ID1: variants seen among roughly 807,000 people sequenced by gnomAD.
ID1 encodes the protein DNA-binding protein inhibitor ID-1.
ID1 carries 8 observed loss-of-function variants against 11.3 expected under a neutral mutation model. That is an observed-to-expected ratio of 0.71 (90% confidence interval 0.42 to 1.28). ID1 has a LOEUF of 1.28. Among genes scored for constraint, ID1 ranks in the 50% most tolerant of loss-of-function variants. The probability of loss-of-function intolerance (pLI) is 0.01; values close to 1 mark genes in which losing one functional copy is unlikely to be tolerated. For synonymous variants in ID1, 176 were observed against 100.2 expected (o/e 1.76, Z -4.52); for missense variants, 347 against 219.8 (o/e 1.58, Z -3.66).
chr20:31,606,410 G>T lies in ID1; in HGVS notation c.*316G>T, dbSNP rs1327645950. On this transcript the variant is annotated 3_prime_UTR_variant, in exon 2 of 2. Coordinates refer to ENST00000376112, the MANE Select transcript of ID1 (RefSeq NM_002165.4). ...TGCTTCTCAGATTTCTGAGGAAATT[G>T]CTTTGTATTGTATATTACAATGATC... is the stretch of plus-strand genomic sequence containing the variant. The T allele has an allele frequency of 2.1e-6, 1 of 481,416 alleles. No individual in the cohort carries two copies. Among genetic ancestry groups the T allele is most frequent in the Non-Finnish European group, 3.8e-6 (1 of 260,522 alleles). 29.8% of individuals were successfully genotyped at this position (481,416 alleles called of 1,614,324 possible).
intron 1 of ID1, 55 bp from the exon 2 acceptor site, chr20:31,605,998 G>T (rs538900346): frequency 1.2e-6 from 2 of 1,610,320 alleles, no homozygotes; most frequent in African/African-American, 2.7e-5. Flanking sequence ...CGTTCGCTGC[G>T]CTCGGAGCGG....
Position 31,605,509 on chromosome 20 carries a change from C to G in ID1, c.122C>G (p.Ala41Gly). 6.3e-7 allele frequency: 1 copy of G among 1,587,938 alleles called. No homozygotes were observed. Among genetic ancestry groups the G allele is most frequent in the Non-Finnish European group, 8.6e-7 (1 of 1,165,578 alleles). Residue 41 changes from alanine to glycine, a missense_variant, in exon 1 of 2, where the codon GCC becomes GGC. Coordinates refer to ENST00000376112, the MANE Select transcript of ID1 (RefSeq NM_002165.4). ...VVRCLSEQSVAISRCAGGAGA... is the reference protein window; with the variant it reads ...VVRCLSEQSVGISRCAGGAGA... ...CGCTGTCTGTCTGAGCAGAGCGTGG[C>G]CATCTCGCGCTGCGCCGGGGGCGCC...
At position 31,606,131 on chromosome 20, in the gene ID1, CA is replaced by C; in HGVS notation, c.*38del. 1.3e-6 allele frequency: 2 copies of C among 1,596,176 alleles called. No individual in the cohort carries two copies. The highest frequency in any genetic ancestry group is 1.1e-5 in the South Asian group (1 of 90,690). ...CAGGGACCGGCGGACCCCAGCCATC[CA>C]GGGGGCAAGAGGAATTACGTGCTCT... On this transcript the variant is annotated 3_prime_UTR_variant, in exon 2 of 2. Coordinates refer to ENST00000376112, the MANE Select transcript of ID1 (RefSeq NM_002165.4).
rs558802902 is a variant in ID1 at position 31,606,240 on chromosome 20, C to G, written c.*146C>G. ...CCACTGCGCCCTTAACTGCATCCAG[C>G]CTGGGGCTGAGGCTGAGGCACTGGC... On this transcript the variant is annotated 3_prime_UTR_variant, in exon 2 of 2. Coordinates refer to ENST00000376112, the MANE Select transcript of ID1 (RefSeq NM_002165.4). The G allele has an allele frequency of 1.2e-6, 1 of 828,796 alleles. No homozygotes were observed. Among genetic ancestry groups the G allele is most frequent in the Non-Finnish European group, 2.0e-6 (1 of 504,730 alleles). The allele number at this position is 828,796 out of a possible 1,614,324, so 51.3% of individuals were successfully genotyped here. A position where few individuals can be genotyped will look rare whatever the true frequency, so the allele number is the denominator to read the frequency against.
In ID1 at chr20:31,605,717, C is replaced by T. The variant is rs530017299; in HGVS notation, c.330C>T (p.Asn110=). The T allele has an allele frequency of 8.1e-6, 13 of 1,611,364 alleles. No homozygotes were observed. The highest frequency in any genetic ancestry group is 2.2e-5 in the East Asian group (1 of 44,686). Residue 110 remains asparagine, a synonymous_variant, in exon 1 of 2, where the codon AAC becomes AAT. Transcript: ENST00000376112. The stretch of plus-strand genomic sequence containing the variant: ...TCAGGGACCTTCAGTTGGAGCTGAA[C>T]TCGGAATCCGAAGTTGGAACCCCCG... ...DYIRDLQLEL[N]SESEVGTPGG... is the part of the protein sequence containing the mutation.
Position 31,606,040 on chromosome 20 carries a change from C to A in ID1, c.427-13C>A, listed in dbSNP as rs771359656. On this transcript the variant is annotated splice_polypyrimidine_tract_variant and intron_variant, in intron 1 of 1. Transcript: ENST00000376112. ...TTCCAACCCGCCGGTCTCATTTCTT[C>A]TCGTTTTCACAGGCGGCATGCGTTC... 1 of 1,612,610 alleles carries A rather than the reference C, an allele frequency of 6.2e-7. No individual in the cohort carries two copies. The highest frequency in any genetic ancestry group is 1.1e-5 in the South Asian group (1 of 91,080).
Position 31,605,822 on chromosome 20 carries a change from C to T in ID1, c.426+9C>T. On this transcript the variant is annotated intron_variant, in intron 1 of 1. Coordinates refer to ENST00000376112, the MANE Select transcript of ID1 (RefSeq NM_002165.4). The stretch of plus-strand genomic sequence containing the variant: ...GCGCCCTGACGGCCGAGGTGAGATC[C>T]AGATCCGACCACTAGATCATCCTTA... 4 of 1,610,758 alleles carry T rather than the reference C, an allele frequency of 2.5e-6. No individual in the cohort carries two copies. The highest frequency in any genetic ancestry group is 2.2e-5 in the East Asian group (1 of 44,724).
rs775696039 is a variant in ID1 at position 31,606,052 on chromosome 20, G to A, written c.427-1G>A. 1.9e-6 allele frequency: 3 copies of A among 1,611,622 alleles called. No homozygotes were observed. Among genetic ancestry groups the A allele is most frequent in the East Asian group, 2.2e-5 (1 of 44,882 alleles). ...GGTCTCATTTCTTCTCGTTTTCACA[G>A]GCGGCATGCGTTCCTGCGGACGATC... is the stretch of plus-strand genomic sequence containing the variant. On this transcript the variant is annotated splice_acceptor_variant, in intron 1 of 1. Coordinates refer to ENST00000376112, the MANE Select transcript of ID1 (RefSeq NM_002165.4). LOFTEE classifies it high-confidence loss of function.
In ID1 at chr20:31,605,766, G is replaced by A; in HGVS notation, c.379G>A (p.Ala127Thr). 1 of 1,610,462 alleles carries A rather than the reference G, an allele frequency of 6.2e-7. No homozygotes were observed. The highest frequency in any genetic ancestry group is 8.5e-7 in the Non-Finnish European group (1 of 1,178,356). ...TPGGRGLPVR[A>T]PLSTLNGEIS... ...CGGGGGCCGAGGGCTGCCGGTCCGG[G>A]CTCCGCTCAGCACCCTCAACGGCGA... Residue 127 changes from alanine to threonine, a missense_variant, in exon 1 of 2, where the codon GCT becomes ACT. By Grantham distance (58) the Ala-to-Thr change is moderately conservative. Transcript: ENST00000376112.
At position 31,605,434 on chromosome 20, in the gene ID1, G is replaced by C; in HGVS notation, c.47G>C (p.Ser16Thr). The C allele has an allele frequency of 2.5e-6, 4 of 1,608,554 alleles. No homozygotes were observed. The highest frequency in any genetic ancestry group is 3.4e-6 in the Non-Finnish European group (4 of 1,178,536). The change falls in exon 1 of 2, where the codon AGC becomes ACC. Residue 16 changes from serine (S) to threonine (T), a missense_variant. Physicochemically the swap from Ser to Thr is moderately conservative, Grantham distance 58 (BLOSUM62 1). Transcript: ENST00000376112. Reference protein sequence around the residue: ...GSTATAAAGPSCALKAGKTAS... With the variant: ...GSTATAAAGPTCALKAGKTAS... The stretch of plus-strand genomic sequence containing the variant: ...ACCGCCACCGCCGCCGCGGGCCCCA[G>C]CTGCGCGCTGAAGGCCGGCAAGACA...
chr20:31,605,450 C>A lies in ID1; in HGVS notation c.63C>A (p.Ala21=). The change falls in exon 1 of 2, where the codon GCC becomes GCA. Residue 21 remains alanine (A), a synonymous_variant. Transcript: ENST00000376112. The part of the protein sequence containing the change: ...AAAGPSCALK[A]GKTASGAGEV... ...CGGGCCCCAGCTGCGCGCTGAAGGC[C>A]GGCAAGACAGCGAGCGGTGCGGGCG... 6.2e-7 allele frequency: 1 copy of A among 1,609,094 alleles called. No individual in the cohort carries two copies. The highest frequency in any genetic ancestry group is 8.5e-7 in the Non-Finnish European group (1 of 1,178,416).
Position 31,605,725 on chromosome 20 carries a change from C to G in ID1, c.338C>G (p.Ser113Cys). Residue 113 changes from serine (S) to cysteine (C), a missense_variant, in exon 1 of 2, where the codon TCC (serine) becomes TGC (cysteine). Physicochemically the swap from Ser to Cys is moderately radical, Grantham distance 112 (BLOSUM62 -1). Transcript: ENST00000376112. ...CTTCAGTTGGAGCTGAACTCGGAATCCGAAGTTGGAACCCCCGGGGGCCGA... is the reference window on the plus strand; with the variant it reads ...CTTCAGTTGGAGCTGAACTCGGAATGCGAAGTTGGAACCCCCGGGGGCCGA... ...RDLQLELNSE[S>C]EVGTPGGRGL... 6.2e-7 allele frequency: 1 copy of G among 1,611,352 alleles called. No individual in the cohort carries two copies. The highest frequency in any genetic ancestry group is 8.5e-7 in the Non-Finnish European group (1 of 1,178,812).
At chr20:31,605,984 G>T in intron 1 of ID1, 69 bp from the exon 2 acceptor site, 1 of 1,611,276 alleles carries the variant, frequency 6.2e-7, no homozygotes, top group Non-Finnish European at 8.5e-7. Flanking sequence ...CCTGGGGAAG[G>T]GGGCGTTCGC....
chr20:31,605,810 C>G lies in ID1; in HGVS notation c.423C>G (p.Ala141=), dbSNP rs760694804. 37 of 1,611,310 alleles carry G rather than the reference C, an allele frequency of 2.3e-5. No homozygotes were observed. The highest frequency in any genetic ancestry group is 6.7e-5 in the African/African-American group (5 of 74,834). ...TLNGEISALT[A]EAACVPADDR... ...ACGGCGAGATCAGCGCCCTGACGGCCGAGGTGAGATCCAGATCCGACCACT... is the reference window on the plus strand; with the variant it reads ...ACGGCGAGATCAGCGCCCTGACGGCGGAGGTGAGATCCAGATCCGACCACT... The change falls in exon 1 of 2, where the codon GCC becomes GCG. Residue 141 remains alanine, a synonymous_variant. Transcript: ENST00000376112.
Position 31,605,615 on chromosome 20 carries a change from C to G in ID1, c.228C>G (p.Leu76=). ...ACATGAACGGCTGTTACTCACGCCT[C>G]AAGGAGCTGGTGCCCACCCTGCCCC... The part of the protein sequence containing the change: ...LYDMNGCYSR[L]KELVPTLPQN... The change falls in exon 1 of 2, where the codon CTC becomes CTG. Residue 76 remains leucine (L), a synonymous_variant. Transcript: ENST00000376112. 3 of 1,581,874 alleles carry G rather than the reference C, an allele frequency of 1.9e-6. No homozygotes were observed. The highest frequency in any genetic ancestry group is 2.6e-6 in the Non-Finnish European group (3 of 1,164,642).
Position 31,605,497 on chromosome 20 carries a change from A to C in ID1, c.110A>C (p.Glu37Ala). The part of the protein sequence containing the change: ...GAGEVVRCLS[E>A]QSVAISRCAG... ...GGCGAGGTGGTGCGCTGTCTGTCTG[A>C]GCAGAGCGTGGCCATCTCGCGCTGC... The change falls in exon 1 of 2, where the codon GAG (glutamate) becomes GCG (alanine). Residue 37 changes from glutamate (E) to alanine (A), a missense_variant. Physicochemically the swap from Glu to Ala is moderately radical, Grantham distance 107. Transcript: ENST00000376112. 7 of 1,601,652 alleles carry C rather than the reference A, an allele frequency of 4.4e-6. No homozygotes were observed. The highest frequency in any genetic ancestry group is 1.1e-5 in the South Asian group (1 of 90,162).
rs1986062575 is a variant in ID1, at chr20:31,605,528, G to A, written c.141G>A (p.Gly47=). 8 of 1,559,394 alleles carry A rather than the reference G, an allele frequency of 5.1e-6. No homozygotes were observed. Among genetic ancestry groups the A allele is most frequent in the Non-Finnish European group, 7.0e-6 (8 of 1,149,786 alleles). ...EQSVAISRCA[G]GAGARLPALL... is the part of the protein sequence containing the mutation. ...GCGTGGCCATCTCGCGCTGCGCCGG[G>A]GGCGCCGGGGCGCGCCTGCCTGCCC... The change falls in exon 1 of 2, where the codon GGG becomes GGA. Residue 47 remains glycine, a synonymous_variant. Transcript: ENST00000376112.
rs374420403 is a variant in ID1 at position 31,605,645 on chromosome 20, C to T, written c.258C>T (p.Asn86=). The part of the protein sequence containing the change: ...LKELVPTLPQ[N]RKVSKVEILQ... ...AGCTGGTGCCCACCCTGCCCCAGAA[C>T]CGCAAGGTGAGCAAGGTGGAGATTC... The change falls in exon 1 of 2, where the codon AAC becomes AAT. Residue 86 remains asparagine (N), a synonymous_variant. Transcript: ENST00000376112. 11 of 1,603,652 alleles carry T rather than the reference C, an allele frequency of 6.9e-6. No individual in the cohort carries two copies. Among genetic ancestry groups the T allele is most frequent in the African/African-American group, 5.4e-5 (4 of 74,444 alleles).
chr20:31,606,092 T>A lies in ID1; in HGVS notation c.466T>A (p.Ter156ArgextTer45), dbSNP rs1167592678. ...VPADDRILCR[*>R] The stretch of plus-strand genomic sequence containing the variant: ...TGCGGACGATCGCATCTTGTGTCGC[T>A]GAAGCGCCTCCCCCAGGGACCGGCG... Residue 156 changes from the stop codon to arginine (R), a stop_lost, in exon 2 of 2, where the codon TGA (stop) becomes AGA (arginine). Coordinates refer to ENST00000376112, the MANE Select transcript of ID1 (RefSeq NM_002165.4). 1 of 1,608,788 alleles carries A rather than the reference T, an allele frequency of 6.2e-7. No individual in the cohort carries two copies. Among genetic ancestry groups the A allele is most frequent in the Admixed American group, 1.7e-5 (1 of 60,020 alleles).
Sources: gnomAD v4.1 joint callset for allele counts on GRCh38, gnomAD v4.1.1 for gene constraint, MANE v1.5 for transcripts, NCBI Gene and HGNC (gene_info 2026-07-23, HGNC 2026-07-21) for gene names.